The following RAD51B variants were observed in gnomAD, a reference collection of about 807,000 sequenced individuals.
RAD51B encodes the protein DNA repair protein RAD51 homolog 2.
A neutral mutation model predicts 42.2 loss-of-function variants in RAD51B; 38 were observed. The ratio of observed to expected loss-of-function variants is 0.90; its 90% CI spans 0.70 to 1.18. The LOEUF (loss-of-function observed/expected upper bound fraction) is 1.18. Ranked by LOEUF, RAD51B falls within the 50% of genes most tolerant of loss-of-function variation. The pLI is 0.00. For missense variants in RAD51B, 373 were observed against 400.7 expected (o/e 0.93, Z 0.59); for synonymous variants, 154 against 145.2 (o/e 1.06, Z -0.43).
At chr14:68,130,937 A>G (rs1358811187) in intron 7 of RAD51B, among the ~76,000 whole-genome samples, 4 of 151,934 alleles carry the variant, frequency 2.6e-5, no homozygotes. Context: ...TTGTTTTTTC[A>G]TCCCTTAGGA....
intron 7 of RAD51B, among the ~76,000 whole-genome samples, chr14:68,235,785 G>A (rs1366884689): frequency 6.8e-6 from 1 of 146,142 alleles, no homozygotes; most frequent in Non-Finnish European, 1.5e-5. Context: ...ATTCACAATA[G>A]CAAAGATAAG....
intron 7 of RAD51B, among the ~76,000 whole-genome samples, chr14:68,016,212 A>G (rs367808519): frequency 6.6e-6 from 1 of 152,268 alleles, no homozygotes; most frequent in East Asian, 1.9e-4. Context: ...CGGGTAGAAA[A>G]ACATTGGCAG....
At chr14:68,202,184 C>G (rs1595545430) in intron 7 of RAD51B, among the ~76,000 whole-genome samples, 1 of 151,934 alleles carries the variant, frequency 6.6e-6, no homozygotes, top group Non-Finnish European at 1.5e-5. Context: ...ATCATCTGAG[C>G]CTTCAGTGAG....
intron 10 of RAD51B, among the ~76,000 whole-genome samples, chr14:68,523,293 G>A (rs1263363787): frequency 6.6e-6 from 1 of 152,220 alleles, no homozygotes; most frequent in Non-Finnish European, 1.5e-5. Context: ...AGTCCCCAAG[G>A]AGAGTTCCCT....
intron 7 of RAD51B, among the ~76,000 whole-genome samples, chr14:68,095,109 G>C (rs572370649): frequency 4.6e-5 from 7 of 152,128 alleles, no homozygotes; most frequent in Non-Finnish European, 7.4e-5. Flanking sequence ...TTATAATTAA[G>C]TAATTTATCA....
chr14:67,993,703 A>G (rs2075335555), intron 7 of RAD51B, among the ~76,000 whole-genome samples: 1 of 152,158 alleles, frequency 6.6e-6, no homozygotes, highest in African/African-American at 2.4e-5. Context: ...TTGTGGATGT[A>G]TACCTAGCAG....
chr14:68,171,749 C>T (rs2078876337), intron 7 of RAD51B, among the ~76,000 whole-genome samples: 1 of 151,834 alleles, frequency 6.6e-6, no homozygotes, highest in African/African-American at 2.4e-5. Flanking sequence ...CTCTGTCGCC[C>T]AGGCTGGAGT....
intron 7 of RAD51B, among the ~76,000 whole-genome samples, chr14:68,182,148 C>T (rs1186039509): frequency 6.6e-6 from 1 of 152,224 alleles, no homozygotes; most frequent in Non-Finnish European, 1.5e-5. Context: ...TTACAAACCA[C>T]TGCCTCTATT....
At chr14:67,917,609 T>TA (rs1163661473) in intron 7 of RAD51B, among the ~76,000 whole-genome samples, 2 of 152,230 alleles carry the variant, frequency 1.3e-5, no homozygotes, top group African/African-American at 2.4e-5. Context: ...TAACGAGTAT[T>TA]ATCAGTGAAG....
At chr14:67,960,213 A>T (rs1033038049) in intron 7 of RAD51B, among the ~76,000 whole-genome samples, 5 of 152,248 alleles carry the variant, frequency 3.3e-5, no homozygotes, top group African/African-American at 9.6e-5. Flanking sequence ...TGTTGAGCAG[A>T]TGCAGAATCA....
chr14:68,510,346 C>T (rs1414894604), intron 10 of RAD51B, among the ~76,000 whole-genome samples: 1 of 152,204 alleles, frequency 6.6e-6, no homozygotes, highest in East Asian at 1.9e-4. Flanking sequence ...CTGAGCCGGC[C>T]TCTGTCTCCA....
At chr14:67,946,952 G>A (rs1441944373) in intron 7 of RAD51B, among the ~76,000 whole-genome samples, 1 of 152,078 alleles carries the variant, frequency 6.6e-6, no homozygotes, top group Non-Finnish European at 1.5e-5. Context: ...TTCTTAATTT[G>A]ATATATTTAA....
chr14:68,085,294 T>A (rs957330452), intron 7 of RAD51B, among the ~76,000 whole-genome samples: 2 of 152,174 alleles, frequency 1.3e-5, no homozygotes, highest in African/African-American at 4.8e-5. Context: ...GCTGGATGTA[T>A]AGATTGGGTG....
intron 11 of RAD51B, among the ~76,000 whole-genome samples, chr14:68,674,702 C>T (rs986557303): frequency 2.0e-5 from 3 of 152,066 alleles, no homozygotes; most frequent in African/African-American, 7.3e-5. Context: ...ATATACACCC[C>T]TAAGTATAAA....
intron 8 of RAD51B, among the ~76,000 whole-genome samples, chr14:68,389,032 G>A (rs921732949): frequency 7.9e-5 from 12 of 152,086 alleles, no homozygotes; most frequent in Middle Eastern, 3.4e-3. Context: ...GGCTCTCCCC[G>A]TCCCCAAAAA....
intron 10 of RAD51B, among the ~76,000 whole-genome samples, chr14:68,485,864 T>C (rs1883583670): frequency 6.6e-6 from 1 of 152,262 alleles, no homozygotes; most frequent in African/African-American, 2.4e-5. Flanking sequence ...ATCTTCATGA[T>C]GGTTTTTGGA....
chr14:68,146,520 G>C (rs2078253063), intron 7 of RAD51B, among the ~76,000 whole-genome samples: 1 of 152,016 alleles, frequency 6.6e-6, no homozygotes, highest in South Asian at 2.1e-4. Context: ...TTGCTTGGGT[G>C]TTGTTGGCTT....
intron 10 of RAD51B, among the ~76,000 whole-genome samples, chr14:68,554,579 C>T (rs1888735375): frequency 1.3e-5 from 2 of 152,196 alleles, no homozygotes; most frequent in Admixed American, 1.3e-4. Context: ...CAACCCCCGC[C>T]CCACTGCAAA....
intron 7 of RAD51B, among the ~76,000 whole-genome samples, chr14:68,157,365 CAG>C (rs1172241386): frequency 6.6e-6 from 1 of 152,028 alleles, no homozygotes; most frequent in Non-Finnish European, 1.5e-5. Flanking sequence ...AGCTAATCAA[CAG>C]AGATTTGATT....
Sources: gnomAD v4.1 joint callset for allele counts (sites outside exome capture counted in the v4.1 genomes callset) on GRCh38, gnomAD v4.1.1 for gene constraint, MANE v1.5 for transcripts, NCBI Gene and HGNC (gene_info 2026-07-23, HGNC 2026-07-21) for gene names.